PDE5A: variants seen among roughly 807,000 people sequenced by gnomAD.
PDE5A encodes the protein phosphodiesterase 5A.
In PDE5A, 67 loss-of-function variants were observed where a neutral mutation model predicts 110.2. The ratio of observed to expected loss-of-function variants is 0.61; its 90% CI spans 0.50 to 0.75. PDE5A has a LOEUF of 0.75. Among genes scored for constraint, PDE5A ranks in the 30% least tolerant of loss-of-function variants. PDE5A has a pLI of 0.00. For synonymous variants in PDE5A, 328 were observed against 351.2 expected (o/e 0.93, Z 0.74); for missense variants, 862 against 1,045.1 (o/e 0.82, Z 2.42).
At position 119,607,239 on chromosome 4, in the gene PDE5A, C is replaced by A. The variant is rs762029964; in HGVS notation, c.211G>T (p.Gly71Cys). 41 of 1,613,746 alleles carry A rather than the reference C, an allele frequency of 2.5e-5. No individual in the cohort carries two copies. Among genetic ancestry groups the A allele is most frequent in the Non-Finnish European group, 3.3e-5 (39 of 1,180,018 alleles). ...RVHTIPVCKE[G>C]IRGHTESCSC... ...CAAGATTCGGTGTGGCCTCTGATAC[C>A]TTCCTTGCACACAGGGATGGTGTGA... is the stretch of plus-strand genomic sequence containing the variant. Residue 71 changes from glycine to cysteine, a missense_variant, in exon 2 of 21, where the codon GGT becomes TGT. Coordinates refer to ENST00000354960, the MANE Select transcript of PDE5A (RefSeq NM_001083.4).
At chr4:119,574,447 C>T (rs558483956) in intron 3 of PDE5A, among the ~76,000 whole-genome samples, 1 of 152,168 alleles carries the variant, frequency 6.6e-6, no homozygotes, top group East Asian at 1.9e-4. Flanking sequence ...TCCCAAAGTG[C>T]TGGGATTACA....
Position 119,601,452 on chromosome 4 carries a change from C to G in PDE5A, c.742-4840G>C, listed in dbSNP as rs181325825. Among the ~76,000 whole-genome samples, 5 of 152,170 alleles carry G rather than the reference C, an allele frequency of 3.3e-5. No homozygotes were observed. In the South Asian group the frequency reaches 8.3e-4, roughly 25 times the overall value. ...AAGCTCTGCACACCACCCCACCCCC[C>G]GCCACCTCCCATACCTTGTCTTATG... On this transcript the variant is annotated intron_variant, in intron 2 of 20. Coordinates refer to ENST00000354960, the MANE Select transcript of PDE5A (RefSeq NM_001083.4).
intron 4 of PDE5A, 119 bp downstream of exon 4, chr4:119,566,954 T>A: frequency 1.4e-6 from 1 of 729,484 alleles, no homozygotes. Context: ...CAGATCATTT[T>A]TAACTCTAAT....
chr4:119,502,331 C>G (rs1228618617), intron 19 of PDE5A: 2 of 299,436 alleles, frequency 6.7e-6, no homozygotes, highest in Admixed American at 4.6e-5. Context: ...GTTTCTAATA[C>G]TTAAGCGGAA....
intron 14 of PDE5A, among the ~76,000 whole-genome samples, chr4:119,511,376 G>A (rs1268007754): frequency 6.6e-6 from 1 of 151,852 alleles, no homozygotes. Flanking sequence ...CAATTTCATT[G>A]GTTTTAATAC....
intron 19 of PDE5A, 104 bp from the exon 20 acceptor site, chr4:119,501,357 C>T: frequency 1.4e-6 from 1 of 717,216 alleles, no homozygotes; most frequent in Non-Finnish European, 2.4e-6. Context: ...GTTGTCCAGG[C>T]TGGAGTGCAG....
intron 2 of PDE5A, among the ~76,000 whole-genome samples, chr4:119,599,203 C>T (rs571290867): frequency 1.5e-4 from 23 of 152,148 alleles, no homozygotes; most frequent in East Asian, 1.2e-3. Context: ...ACTGCCTGCC[C>T]GAACAAATCT....
intron 1 of PDE5A, among the ~76,000 whole-genome samples, chr4:119,625,302 T>G: frequency 6.6e-6 from 1 of 152,228 alleles, no homozygotes; most frequent in East Asian, 1.9e-4. Flanking sequence ...AGGCCCAACC[T>G]ATAGCTTTTA....
intron 1 of PDE5A, 99 bp downstream of exon 1, chr4:119,628,421 A>G: frequency 1.0e-6 from 1 of 983,428 alleles, no homozygotes; most frequent in Non-Finnish European, 1.5e-6. Flanking sequence ...CCGAGGACCT[A>G]CTTCAAAAGC....
intron 1 of PDE5A, among the ~76,000 whole-genome samples, chr4:119,616,656 C>T (rs1437481171): frequency 1.3e-5 from 2 of 151,962 alleles, no homozygotes; most frequent in Non-Finnish European, 2.9e-5. Flanking sequence ...CTGGTTCCAG[C>T]AGCTGCTGCA....
At chr4:119,545,453 A>G (rs1358652561) in intron 9 of PDE5A, among the ~76,000 whole-genome samples, 1 of 152,184 alleles carries the variant, frequency 6.6e-6, no homozygotes, top group East Asian at 1.9e-4. Context: ...ATAAAAGAGA[A>G]CCATTCAGCA....
chr4:119,504,455 G>T, intron 18 of PDE5A, 81 bp downstream of exon 18: 2 of 1,024,852 alleles, frequency 2.0e-6, no homozygotes, highest in East Asian at 2.4e-5. Flanking sequence ...TTTTTCTTTA[G>T]GTAGATACCT....
chr4:119,616,040 A>T (rs1254314587), intron 1 of PDE5A, among the ~76,000 whole-genome samples: 2 of 152,158 alleles, frequency 1.3e-5, no homozygotes, highest in Non-Finnish European at 2.9e-5. Context: ...TTTCCTACAT[A>T]TTTTATTACA....
At chr4:119,504,646 A>G in intron 17 of PDE5A, 47 bp from the exon 18 acceptor site, 1 of 1,457,832 alleles carries the variant, frequency 6.9e-7, no homozygotes, top group Middle Eastern at 1.8e-4. Context: ...CTTTTGTGTT[A>G]TTATATACCC....
At chr4:119,561,918 G>C (rs1727757107) in intron 6 of PDE5A, among the ~76,000 whole-genome samples, 1 of 152,122 alleles carries the variant, frequency 6.6e-6, no homozygotes, top group South Asian at 2.1e-4. Context: ...ATTAAGTACT[G>C]AATACCTTTT....
At chr4:119,569,795 G>C (rs1728079914) in intron 3 of PDE5A, 1 of 152,602 alleles carries the variant, frequency 6.6e-6, no homozygotes, top group African/African-American at 2.4e-5. Flanking sequence ...CACAAAACTT[G>C]TGACTCCCTA....
At chr4:119,507,534 G>T in intron 16 of PDE5A, 70 bp downstream of exon 16, 1 of 1,000,336 alleles carries the variant, frequency 1.0e-6, no homozygotes, top group Non-Finnish European at 1.5e-6. Flanking sequence ...TTCTCAATAT[G>T]GATGTCAAAA....
At chr4:119,535,711 C>T (rs1196016489) in intron 11 of PDE5A, among the ~76,000 whole-genome samples, 1 of 152,080 alleles carries the variant, frequency 6.6e-6, no homozygotes, top group African/African-American at 2.4e-5. Context: ...ATACAACACT[C>T]AAGCAACAGA....
intron 3 of PDE5A, among the ~76,000 whole-genome samples, chr4:119,570,403 C>T (rs1482358235): frequency 6.6e-6 from 1 of 152,174 alleles, no homozygotes; most frequent in Non-Finnish European, 1.5e-5. Flanking sequence ...TCACTTTTGC[C>T]TACCTGCTGG....
Sources: allele counts gnomAD v4.1 joint callset (sites outside exome capture counted in the v4.1 genomes callset), GRCh38; gene constraint gnomAD v4.1.1; transcripts MANE v1.5; gene names NCBI Gene and HGNC (gene_info 2026-07-23, HGNC 2026-07-21).